GJB1: variants seen among roughly 807,000 people sequenced by gnomAD.
GJB1 encodes the protein gap junction beta-1 protein.
A neutral mutation model predicts 12.0 loss-of-function variants in GJB1; 1 was observed. The observed-to-expected ratio is 0.08, with a 90% confidence interval of 0.03 to 0.40. The LOEUF (loss-of-function observed/expected upper bound fraction) is 0.40. Ranked by LOEUF, GJB1 falls within the 10% of genes least tolerant of loss-of-function variation. The pLI is 0.98. For missense variants in GJB1, 140 were observed against 250.3 expected, an observed-to-expected ratio of 0.56 and a Z score of 2.97; for synonymous variants, 114 against 102.8, an observed-to-expected ratio of 1.11 and a Z score of -0.66.
At chrX:71,217,104 A>ATGTGTGTGTGTTTG (rs1280035553) in intron 1 of GJB1, among the ~76,000 whole-genome samples, 2 of 93,570 alleles carry the variant, frequency 2.1e-5, no homozygotes, top group Non-Finnish European at 4.2e-5. Context: ...GACTAGACGA[A>ATGTGTGTGTGTTTG]TGTGTGTGTG....
chrX:71,223,223 C>T (rs2092540948), upstream of GJB1: 3 of 193,763 alleles, frequency 1.5e-5, 1 homozygote, highest in East Asian at 2.5e-4. Context: ...TCCCCAGCAC[C>T]GGGCGGTGAT....
chrX:71,223,041 C>T (rs1396519083), upstream of GJB1, among the ~76,000 whole-genome samples: 6 of 111,576 alleles, frequency 5.4e-5, no homozygotes, highest in African/African-American at 1.6e-4. Flanking sequence ...GGCGATGGAC[C>T]GGGCGGGCAC....
chrX:71,218,634 A>G, upstream of GJB1, among the ~76,000 whole-genome samples: 1 of 109,910 alleles, frequency 9.1e-6, no homozygotes, highest in East Asian at 2.9e-4. Flanking sequence ...CTGTAATTCC[A>G]GCACTTTCGG....
upstream of GJB1, among the ~76,000 whole-genome samples, chrX:71,220,319 T>G (rs1015135332): frequency 3.8e-5 from 4 of 105,146 alleles, no homozygotes; most frequent in South Asian, 4.4e-4. Context: ...CGTGAGCCAC[T>G]GTGCCCGGCC....
In GJB1 at chrX:71,225,143, C is replaced by T. The variant is rs1006838208; in HGVS notation, c.*584C>T. 7.8e-6 allele frequency: 1 copy of T among 128,083 alleles called. No homozygotes were observed. The highest frequency in any genetic ancestry group is 3.2e-5 in the African/African-American group (1 of 30,780). 10.6% of individuals were successfully genotyped at this position (128,083 alleles called of 1,213,427 possible). A position where few individuals can be genotyped will look rare whatever the true frequency, so the allele number is the denominator to read the frequency against. On this transcript the variant is annotated 3_prime_UTR_variant, in exon 2 of 2. Transcript: ENST00000361726. ...GGTCAAGGCCACCTCTGCCTCTAGT[C>T]CCCAAGGCCTCTCTCTGCCTGAAAT... is the stretch of plus-strand genomic sequence containing the variant.
At chrX:71,220,923 A>T (rs2092536567), upstream of GJB1, among the ~76,000 whole-genome samples, 1 of 63,872 alleles carries the variant, frequency 1.6e-5, no homozygotes. Flanking sequence ...TTTGAGACAG[A>T]GTCTCGCTCT....
upstream of GJB1, among the ~76,000 whole-genome samples, chrX:71,218,229 T>A (rs2092529004): frequency 9.1e-6 from 1 of 109,438 alleles, no homozygotes; most frequent in African/African-American, 3.3e-5. Flanking sequence ...GAGGCGGAGG[T>A]TGCAGTGAGC....
In GJB1 at chrX:71,223,681, G is replaced by T. The variant is rs766960181; in HGVS notation, c.-16-11G>T. 4.1e-6 allele frequency: 5 copies of T among 1,209,295 alleles called. No individual in the cohort carries two copies. The highest frequency in any genetic ancestry group is 3.4e-6 in the Non-Finnish European group (3 of 894,577). Reference sequence around the variant, plus strand: ...TTTCTGACAGCTTGCTTCATGGCTGGTGTTTTGCAGGTGTGAATGAGGCAG... The same window carrying T: ...TTTCTGACAGCTTGCTTCATGGCTGTTGTTTTGCAGGTGTGAATGAGGCAG... On this transcript the variant is annotated splice_polypyrimidine_tract_variant and intron_variant, in intron 1 of 1. Coordinates refer to ENST00000361726, the MANE Select transcript of GJB1 (RefSeq NM_000166.6).
upstream of GJB1, among the ~76,000 whole-genome samples, chrX:71,222,086 G>A (rs2092538871): frequency 9.0e-6 from 1 of 110,603 alleles, no homozygotes; most frequent in South Asian, 3.8e-4. Flanking sequence ...AGGCTGCAGT[G>A]AGCAGTGATT....
upstream of GJB1, among the ~76,000 whole-genome samples, chrX:71,221,038 A>G (rs1375142849): frequency 9.3e-6 from 1 of 107,293 alleles, no homozygotes; most frequent in Non-Finnish European, 1.9e-5. Flanking sequence ...CTGGGATTAC[A>G]GGTGCATGCC....
chrX:71,218,273 C>A (rs1008221891), upstream of GJB1, among the ~76,000 whole-genome samples: 2 of 108,058 alleles, frequency 1.9e-5, no homozygotes, highest in African/African-American at 6.8e-5. Flanking sequence ...GCCTGGGTGA[C>A]AGAGCAAGAC....
At chrX:71,218,676 G>A (rs1347264314), upstream of GJB1, among the ~76,000 whole-genome samples, 4 of 110,347 alleles carry the variant, frequency 3.6e-5, no homozygotes, top group Non-Finnish European at 7.6e-5. Flanking sequence ...GAGGTCAGGA[G>A]ATCAAGACCA....
upstream of GJB1, chrX:71,222,733 T>A (rs1031426147): frequency 2.7e-5 from 3 of 110,474 alleles, no homozygotes; most frequent in African/African-American, 9.9e-5. Context: ...GAAAATGGGA[T>A]AACAGGCTTC....
Position 71,224,454 on chromosome X carries a change from C to T in GJB1, c.747C>T (p.Asn249=). The T allele has an allele frequency of 8.3e-7, 1 of 1,209,213 alleles. No homozygotes were observed. Among genetic ancestry groups the T allele is most frequent in the South Asian group, 1.8e-5 (1 of 56,495 alleles). ...LSPEYKQNEI[N]KLLSEQDGSL... ...CTGAATACAAGCAGAATGAGATCAA[C>T]AAGCTGCTGAGTGAGCAGGATGGCT... The change falls in exon 2 of 2, where the codon AAC becomes AAT. Residue 249 remains asparagine (N), a synonymous_variant. Coordinates refer to ENST00000361726, the MANE Select transcript of GJB1 (RefSeq NM_000166.6).
upstream of GJB1, among the ~76,000 whole-genome samples, chrX:71,220,889 C>CTTTTTTTTTTTTTTTTTTTTTTT (rs1491472340): frequency 1.9e-5 from 1 of 52,745 alleles, no homozygotes; most frequent in African/African-American, 1.0e-4. Flanking sequence ...TTGTTTCTTT[C>CTTTTTTTTTTTTTTTTTTTTTTT]CTTTTTTTTT....
At position 71,223,803 on chromosome X, in the gene GJB1, A is replaced by G; in HGVS notation, c.96A>G (p.Arg32=). ...GGCTCTCGGTCATCTTCATCTTCAGAATCATGGTGCTGGTGGTGGCTGCAG... is the reference window on the plus strand; with the variant it reads ...GGCTCTCGGTCATCTTCATCTTCAGGATCATGGTGCTGGTGGTGGCTGCAG... ...RVWLSVIFIF[R]IMVLVVAAES... is the part of the protein sequence containing the mutation. The change falls in exon 2 of 2, where the codon AGA becomes AGG. Residue 32 remains arginine, a synonymous_variant. Coordinates refer to ENST00000361726, the MANE Select transcript of GJB1 (RefSeq NM_000166.6). 2 of 1,211,559 alleles carry G rather than the reference A, an allele frequency of 1.7e-6. No homozygotes were observed. Among genetic ancestry groups the G allele is most frequent in the Non-Finnish European group, 2.2e-6 (2 of 895,357 alleles).
chrX:71,224,677 C>A lies in GJB1; in HGVS notation c.*118C>A. Reference sequence around the variant, plus strand: ...TGGGGATTACTCGATCAAAACCTTCCTTCCCTGGCTACTTCCCTTCCTCCC... The same window carrying A: ...TGGGGATTACTCGATCAAAACCTTCATTCCCTGGCTACTTCCCTTCCTCCC... On this transcript the variant is annotated 3_prime_UTR_variant, in exon 2 of 2. Coordinates refer to ENST00000361726, the MANE Select transcript of GJB1 (RefSeq NM_000166.6). 1.5e-6 allele frequency: 1 copy of A among 681,792 alleles called. No homozygotes were observed. The highest frequency in any genetic ancestry group is 2.3e-6 in the Non-Finnish European group (1 of 436,617). 56.2% of individuals were successfully genotyped at this position (681,792 alleles called of 1,213,427 possible).
At chrX:71,219,873 C>T (rs749462678), upstream of GJB1, among the ~76,000 whole-genome samples, 311 of 94,870 alleles carry the variant, frequency 3.3e-3, 2 homozygotes, top group African/African-American at 0.012. Flanking sequence ...GGCAGAGTCT[C>T]GTTCTGTCGC....
At position 71,217,323 on chromosome X, in the gene GJB1, A is replaced by T. The variant is rs1268413203; in HGVS notation, c.-17+2052A>T. The stretch of plus-strand genomic sequence containing the variant: ...GCAGCAGTGCAATTGCCGTTGAGGC[A>T]AGTTTCTTAACCTCTCTGAGCCTCA... On this transcript the variant is annotated intron_variant, in intron 1 of 1. Transcript: ENST00000374029. 2.7e-5 allele frequency among the ~76,000 whole-genome samples: 3 copies of T among 112,318 alleles called. 1 individual carries two copies. Among genetic ancestry groups the T allele is most frequent in the Non-Finnish European group, 1.9e-5 (1 of 53,262 alleles).
Sources: gnomAD v4.1 joint callset for allele counts (sites outside exome capture counted in the v4.1 genomes callset) on GRCh38, gnomAD v4.1.1 for gene constraint, MANE v1.5 for transcripts, NCBI Gene and HGNC (gene_info 2026-07-23, HGNC 2026-07-21) for gene names.